Variants in ZNF616 observed in about 807,000 individuals in gnomAD.
ZNF616 encodes the protein zinc finger protein 616.
Under a neutral mutation model 7.6 loss-of-function variants are expected in ZNF616, and 5 were observed. The observed-to-expected ratio is 0.66, with a 90% confidence interval of 0.34 to 1.38. The LOEUF (loss-of-function observed/expected upper bound fraction) is 1.38. Among genes scored for constraint, ZNF616 ranks in the 40% most tolerant of loss-of-function variants. The pLI, the probability that ZNF616 is intolerant of heterozygous loss-of-function variation, is 0.04. For missense variants in ZNF616, 913 were observed against 948.3 expected (o/e 0.96, Z 0.49); for synonymous variants, 319 against 317.2 (o/e 1.01, Z -0.06).
intron 3 of ZNF616, among the ~76,000 whole-genome samples, chr19:52,118,445 G>C (rs917278513): frequency 6.6e-6 from 1 of 152,212 alleles, no homozygotes; most frequent in Non-Finnish European, 1.5e-5. Context: ...CCTATGTTGA[G>C]GACCCAATCC....
At chr19:52,122,495 A>C (rs2088871957) in intron 3 of ZNF616, 1 of 152,166 alleles carries the variant, frequency 6.6e-6, no homozygotes, top group Non-Finnish European at 1.5e-5. Flanking sequence ...CAAAAAACAG[A>C]ACAAAACAAA....
chr19:52,123,507 G>A (rs758038652), intron 3 of ZNF616, among the ~76,000 whole-genome samples: 1 of 152,014 alleles, frequency 6.6e-6, no homozygotes, highest in Admixed American at 6.6e-5. Context: ...TGGCACGCAC[G>A]CATAATTCCA....
rs761416377 is a variant in ZNF616, at chr19:52,114,797, T to C, written c.*21A>G. 111 of 1,536,002 alleles carry C rather than the reference T, an allele frequency of 7.2e-5. 2 individuals carry two copies. In the South Asian group the frequency reaches 1.4e-3, roughly 19 times the overall value. ...TCAGTAAGTAGGAATTATTCGGTGA[T>C]TCCAGAAACTAGGACAACGTCTAAG... is the stretch of plus-strand genomic sequence containing the variant. On this transcript the variant is annotated 3_prime_UTR_variant, in exon 4 of 4. Transcript: ENST00000600228.
chr19:52,131,246 C>T (rs969893783), intron 1 of ZNF616, among the ~76,000 whole-genome samples: 17 of 123,206 alleles, frequency 1.4e-4, no homozygotes, highest in Admixed American at 2.1e-4. Context: ...CCAGCCTGGG[C>T]GACAGAGACT....
chr19:52,133,523 T>TTG (rs895289442), intron 1 of ZNF616, among the ~76,000 whole-genome samples: 3 of 151,848 alleles, frequency 2.0e-5, no homozygotes, highest in Non-Finnish European at 2.9e-5. Flanking sequence ...ACCTGGGTTT[T>TTG]TGTGTGTGTG....
intron 2 of ZNF616, among the ~76,000 whole-genome samples, chr19:52,129,746 T>C (rs2088941228): frequency 6.6e-6 from 1 of 151,942 alleles, no homozygotes; most frequent in African/African-American, 2.4e-5. Flanking sequence ...TAGTATAAAA[T>C]CAGGCAGAAA....
rs2122182703 is a variant in ZNF616 at position 52,139,902 on chromosome 19, A to T, written c.-247T>A. On this transcript the variant is annotated 5_prime_UTR_variant, in exon 1 of 4. Transcript: ENST00000600228. This position sits in a 1 kb window ranked among gnomAD's most constrained non-coding sequence, Gnocchi z 4.1. ...CGTAGACTGAAACACACACACAGCGATAAGGCCTTTCCCTGGCGCAATCTG... is the reference window on the plus strand; with the variant it reads ...CGTAGACTGAAACACACACACAGCGTTAAGGCCTTTCCCTGGCGCAATCTG... 1 of 152,418 alleles carries T rather than the reference A, an allele frequency of 6.6e-6. No individual in the cohort carries two copies. The highest frequency in any genetic ancestry group is 1.9e-4 in the East Asian group (1 of 5,174). 9.4% of individuals were successfully genotyped at this position (152,418 alleles called of 1,614,324 possible).
intron 1 of ZNF616, among the ~76,000 whole-genome samples, chr19:52,134,979 G>A (rs1265940671): frequency 1.7e-4 from 26 of 152,094 alleles, no homozygotes; most frequent in Admixed American, 1.4e-3. Context: ...TGTATCTTCC[G>A]AGGACAGTCC....
chr19:52,130,992 G>C (rs1010929956), intron 1 of ZNF616, among the ~76,000 whole-genome samples: 2 of 152,228 alleles, frequency 1.3e-5, no homozygotes, highest in Non-Finnish European at 2.9e-5. Flanking sequence ...CTTGGGGCTG[G>C]GAGCGGTGGC....
In ZNF616 at chr19:52,139,147, CCT is replaced by C. The variant is rs987138913; in HGVS notation, c.-77+583_-77+584del. Among the ~76,000 whole-genome samples the C allele has an allele frequency of 1.9e-4, 29 of 152,256 alleles. No homozygotes were observed. Among genetic ancestry groups the C allele is most frequent in the Admixed American group, 1.4e-3 (21 of 15,294 alleles). On this transcript the variant is annotated intron_variant, in intron 1 of 3. Transcript: ENST00000600228. The surrounding 1 kb of genome is among the most constrained non-coding windows in gnomAD (Gnocchi z 4.1). ...TTTTTCTTTCTGTCCCGTCGCTCCCCCTCTTTTCCTCTCCTGATCCCTCTCAC... is the reference window on the plus strand; with the variant it reads ...TTTTTCTTTCTGTCCCGTCGCTCCCCCTTTTCCTCTCCTGATCCCTCTCAC...
Position 52,115,425 on chromosome 19 carries a change from T to C in ZNF616, c.1739A>G (p.Asn580Ser), listed in dbSNP as rs533923977. 4.3e-6 allele frequency: 7 copies of C among 1,614,090 alleles called. No individual in the cohort carries two copies. The highest frequency in any genetic ancestry group is 4.0e-5 in the African/African-American group (3 of 74,978). The change falls in exon 4 of 4, where the codon AAT becomes AGT. Residue 580 changes from asparagine (N) to serine (S), a missense_variant. Transcript: ENST00000600228. ...CTGACTGTAGACCTTGCCGCATTCATTGCATTTGTAAGGTTTCTCTCCACT... is the reference window on the plus strand; with the variant it reads ...CTGACTGTAGACCTTGCCGCATTCACTGCATTTGTAAGGTTTCTCTCCACT... Reference protein sequence around the residue: ...IHSGEKPYKCNECGKVYSQYS... With the variant: ...IHSGEKPYKCSECGKVYSQYS...
chr19:52,137,051 GTGTA>G (rs2089016148), intron 1 of ZNF616, among the ~76,000 whole-genome samples: 1 of 64,758 alleles, frequency 1.5e-5, no homozygotes, highest in Non-Finnish European at 3.0e-5. Flanking sequence ...ATTTATGTAT[GTGTA>G]TATATATATA....
chr19:52,116,686 G>C lies in ZNF616; in HGVS notation c.478C>G (p.Leu160Val), dbSNP rs1176091395. 2 of 1,614,042 alleles carry C rather than the reference G, an allele frequency of 1.2e-6. No homozygotes were observed. Among genetic ancestry groups the C allele is most frequent in the Non-Finnish European group, 1.7e-6 (2 of 1,180,020 alleles). Residue 160 changes from leucine to valine, a missense_variant, in exon 4 of 4, where the codon CTT becomes GTT. By Grantham distance (32) the Leu-to-Val change is conservative. Transcript: ENST00000600228. The part of the protein sequence containing the change: ...ELQKVQTEGR[L>V]YECNETEKTG... The stretch of plus-strand genomic sequence containing the variant: ...TTCTCCGTTTCATTACATTCATAAA[G>C]TCTCCCTTCAGTTTGAACTTTCTGC...
chr19:52,134,695 AAG>A (rs1380728753), intron 1 of ZNF616, among the ~76,000 whole-genome samples: 1 of 152,184 alleles, frequency 6.6e-6, no homozygotes, highest in African/African-American at 2.4e-5. Flanking sequence ...CTGGCCACAG[AAG>A]AGTTCTGTGT....
rs1311567500 is a variant in ZNF616 at position 52,115,770 on chromosome 19, T to C, written c.1394A>G (p.Tyr465Cys). 3.1e-6 allele frequency: 5 copies of C among 1,614,168 alleles called. No homozygotes were observed. The highest frequency in any genetic ancestry group is 4.2e-6 in the Non-Finnish European group (5 of 1,180,012). The part of the protein sequence containing the change: ...HWRIHTGEKA[Y>C]KCNECGKVFS... Reference sequence around the variant, plus strand: ...AACTTTGCCACATTCATTGCATTTATAAGCTTTCTCGCCGGTATGAATTCT... The same window carrying C: ...AACTTTGCCACATTCATTGCATTTACAAGCTTTCTCGCCGGTATGAATTCT... The change falls in exon 4 of 4, where the codon TAT becomes TGT. Residue 465 changes from tyrosine to cysteine, a missense_variant. Physicochemically the swap from Tyr to Cys is radical, Grantham distance 194 (BLOSUM62 -2). Transcript: ENST00000600228.
intron 2 of ZNF616, among the ~76,000 whole-genome samples, chr19:52,128,203 A>G (rs1330365395): frequency 6.6e-6 from 1 of 151,880 alleles, no homozygotes; most frequent in Non-Finnish European, 1.5e-5. Context: ...AAAAAAAAAA[A>G]ACTTACTACT....
chr19:52,116,764 T>A lies in ZNF616; in HGVS notation c.400A>T (p.Asn134Tyr). ...DQHSQGDVEN[N>Y]HIENQLTSNF... Reference sequence around the variant, plus strand: ...GATGTAAGCTGGTTTTCAATATGATTGTTTTCTACATCCCCTTGACTATGT... The same window carrying A: ...GATGTAAGCTGGTTTTCAATATGATAGTTTTCTACATCCCCTTGACTATGT... Residue 134 changes from asparagine to tyrosine, a missense_variant, in exon 4 of 4, where the codon AAT becomes TAT. Physicochemically the swap from Asn to Tyr is moderately radical, Grantham distance 143. Coordinates refer to ENST00000600228, the MANE Select transcript of ZNF616 (RefSeq NM_178523.5). The A allele has an allele frequency of 1.2e-6, 2 of 1,614,166 alleles. No individual in the cohort carries two copies. Among genetic ancestry groups the A allele is most frequent in the South Asian group, 2.2e-5 (2 of 91,086 alleles).
chr19:52,127,278 C>G (rs2088917860), intron 2 of ZNF616, among the ~76,000 whole-genome samples: 1 of 152,176 alleles, frequency 6.6e-6, no homozygotes, highest in Admixed American at 6.5e-5. Flanking sequence ...TGGTCTTGAA[C>G]TCCTGACCTC....
intron 2 of ZNF616, among the ~76,000 whole-genome samples, chr19:52,128,580 T>C (rs1253987035): frequency 1.3e-5 from 2 of 151,868 alleles, no homozygotes; most frequent in Non-Finnish European, 2.9e-5. Context: ...CTGTCTCTAC[T>C]AAAAATACAA....
Sources: allele counts gnomAD v4.1 joint callset (sites outside exome capture counted in the v4.1 genomes callset), GRCh38; gene constraint gnomAD v4.1.1; non-coding constraint Gnocchi (gnomAD v3.1); transcripts MANE v1.5; gene names NCBI Gene and HGNC (gene_info 2026-07-23, HGNC 2026-07-21).